Variants in CTU2 observed in about 807,000 individuals in gnomAD.
CTU2 encodes the protein cytoplasmic tRNA 2-thiolation protein 2.
In CTU2, 80 loss-of-function variants were observed where a neutral mutation model predicts 64.1. The observed-to-expected ratio is 1.25, with a 90% CI of 1.04 to 1.50. The LOEUF is 1.50. CTU2 is among the 40% of genes most tolerant of loss of function. CTU2 has a pLI of 0.00. For synonymous variants in CTU2, 482 were observed against 285.3 expected, an observed-to-expected ratio of 1.69 and a Z score of -6.95; for missense variants, 1,110 against 690.2, an observed-to-expected ratio of 1.61 and a Z score of -6.81.
At chr16:88,710,621 T>G (rs567312041) in intron 4 of CTU2, 1 of 309,424 alleles carries the variant, frequency 3.2e-6, no homozygotes, top group African/African-American at 2.2e-5. Flanking sequence ...CGGCCCACTC[T>G]CAGATGTGTT....
chr16:88,710,449 C>T, intron 4 of CTU2, 167 bp downstream of exon 4: 1 of 635,354 alleles, frequency 1.6e-6, no homozygotes, highest in South Asian at 1.9e-5. Context: ...GTGCACCAAT[C>T]AGGAGCTGAG....
rs574628861 is a variant in CTU2, at chr16:88,707,713, C to T, written c.143+503C>T. 6.6e-5 allele frequency among the ~76,000 whole-genome samples: 10 copies of T among 152,244 alleles called. 1 individual carries two copies. Among genetic ancestry groups the T allele is most frequent in the African/African-American group, 2.4e-4 (10 of 41,532 alleles). ...TAGCCATTGTATTGTTCAGTTGTTT[C>T]CACTAGACTCATAGCTCCCTGAAGG... On this transcript the variant is annotated intron_variant, in intron 2 of 14. Coordinates refer to ENST00000453996, the MANE Select transcript of CTU2 (RefSeq NM_001012759.3).
chr16:88,713,529 G>C (rs922582321), intron 8 of CTU2, 82 bp downstream of exon 8: 5 of 1,483,478 alleles, frequency 3.4e-6, no homozygotes, highest in African/African-American at 3.5e-5. Flanking sequence ...AGCCTCTCGC[G>C]TATCAGTCCT....
intron 14 of CTU2, 21 bp downstream of exon 14, chr16:88,715,127 GT>G (rs760769240): frequency 5.0e-6 from 8 of 1,602,566 alleles, no homozygotes; most frequent in Non-Finnish European, 6.8e-6. Flanking sequence ...CCACACTGCC[GT>G]GGCGCGTGGG....
Position 88,713,316 on chromosome 16 carries a change from C to A in CTU2, c.742C>A (p.His248Asn), listed in dbSNP as rs1911513055. 11 of 1,596,232 alleles carry A rather than the reference C, an allele frequency of 6.9e-6. No individual in the cohort carries two copies. Among genetic ancestry groups the A allele is most frequent in the Non-Finnish European group, 9.4e-6 (11 of 1,172,804 alleles). Residue 248 changes from histidine to asparagine, a missense_variant, in exon 8 of 15, where the codon CAC (histidine) becomes AAC (asparagine). His to Asn is a moderately conservative substitution (Grantham distance 68, BLOSUM62 1). Transcript: ENST00000453996. Reference protein sequence around the residue: ...KEELLQTLRTHLILHMARAHG... With the variant: ...KEELLQTLRTNLILHMARAHG... ...CTGAGACGCTCTGTGCTTTAGGACC[C>A]ACCTGATCCTCCACATGGCCCGAGC... is the stretch of plus-strand genomic sequence containing the variant.
chr16:88,709,844 G>C, intron 2 of CTU2, 94 bp from the exon 3 acceptor site: 1 of 1,018,714 alleles, frequency 9.8e-7, no homozygotes, highest in Middle Eastern at 2.1e-4. Flanking sequence ...TAAAGATGGA[G>C]ATTGGCAAAG....
chr16:88,714,603 T>G lies in CTU2; in HGVS notation c.1218T>G (p.Phe406Leu). 6.2e-7 allele frequency: 1 copy of G among 1,612,628 alleles called. No homozygotes were observed. Among genetic ancestry groups the G allele is most frequent in the Non-Finnish European group, 8.5e-7 (1 of 1,179,892 alleles). Residue 406 changes from phenylalanine to leucine, a missense_variant, in exon 12 of 15, where the codon TTT (phenylalanine) becomes TTG (leucine). Physicochemically the swap from Phe to Leu is conservative, Grantham distance 22. Coordinates refer to ENST00000453996, the MANE Select transcript of CTU2 (RefSeq NM_001012759.3). ...DVDAADSATA[F>L]GAQTSSRLSQ... ...TGCTTGCAGACAGTGCCACGGCTTT[T>G]GGGGCTCAGACCTCCTCGCGTCTCT...
chr16:88,714,989 G>C (rs562557850), intron 13 of CTU2, 59 bp from the exon 14 acceptor site: 6 of 1,598,672 alleles, frequency 3.8e-6, no homozygotes, highest in Admixed American at 3.4e-5. Context: ...TCACCTCGTG[G>C]GTGGCTTGAG....
At chr16:88,713,588 G>A (rs1911558290) in intron 8 of CTU2, 59 bp from the exon 9 acceptor site, 4 of 1,584,362 alleles carry the variant, frequency 2.5e-6, no homozygotes, top group Non-Finnish European at 3.4e-6. Context: ...CCTGGCAGGG[G>A]AGGAGGGGCA....
intron 3 of CTU2, 24 bp from the exon 4 acceptor site, chr16:88,710,199 T>C: frequency 6.2e-7 from 1 of 1,613,890 alleles, no homozygotes; most frequent in Non-Finnish European, 8.5e-7. Flanking sequence ...TGCGGTGCCC[T>C]GAGTGATGTT....
chr16:88,714,446 C>A lies in CTU2; in HGVS notation c.1161C>A (p.Arg387=). The A allele has an allele frequency of 6.2e-7, 1 of 1,612,582 alleles. No homozygotes were observed. Among genetic ancestry groups the A allele is most frequent in the Non-Finnish European group, 8.5e-7 (1 of 1,179,846 alleles). The change falls in exon 11 of 15, where the codon CGC becomes CGA. Residue 387 remains arginine (R), a synonymous_variant. Transcript: ENST00000453996. ...CTGCTGCTGGCGACTCCGGCCCCCG[C>A]TGCCTCCTCTGCATGTGTGCCCTGG... ...DGPAAGDSGP[R]CLLCMCALDV... is the part of the protein sequence containing the mutation.
At chr16:88,708,985 A>G (rs552568624) in intron 2 of CTU2, 2 of 152,172 alleles carry the variant, frequency 1.3e-5, no homozygotes, top group Non-Finnish European at 1.5e-5. Flanking sequence ...ATTATGAACA[A>G]AGATTACAGC....
Position 88,712,855 on chromosome 16 carries a change from C to T in CTU2, c.687C>T (p.Phe229=). The T allele has an allele frequency of 6.4e-7, 1 of 1,572,908 alleles. No individual in the cohort carries two copies. The part of the protein sequence containing the change: ...PAQTEALSQL[F]CSVRTLTAKE... ...AGACTGAGGCTCTTTCCCAACTGTT[C>T]TGCTCAGTGAGGACACTGACTGCCA... is the stretch of plus-strand genomic sequence containing the variant. Residue 229 remains phenylalanine, a synonymous_variant, in exon 7 of 15, where the codon TTC becomes TTT. Transcript: ENST00000453996.
At position 88,711,616 on chromosome 16, in the gene CTU2, C is replaced by T. The variant is rs748203677; in HGVS notation, c.283-19C>T. 2.5e-6 allele frequency: 4 copies of T among 1,586,752 alleles called. No individual in the cohort carries two copies. In the South Asian group the frequency reaches 4.6e-5, roughly 18 times the overall value. On this transcript the variant is annotated intron_variant, in intron 4 of 14. Coordinates refer to ENST00000453996, the MANE Select transcript of CTU2 (RefSeq NM_001012759.3). ...TGGCTTATGGCTGGGGGCTGAGTCC[C>T]TGCTGCTTCTCCCTCTAGGGCCTGA...
Position 88,715,221 on chromosome 16 carries a change from G to C in CTU2, c.1518G>C (p.Glu506Asp), listed in dbSNP as rs1390204079. ...GLQEIRDCLI[E>D]DSDDEAGQS ...AGGAGATCCGGGACTGTCTGATTGA[G>C]GACAGTGACGACGAGGCGGGCCAGA... Residue 506 changes from glutamate to aspartate, a missense_variant, in exon 15 of 15, where the codon GAG becomes GAC. Coordinates refer to ENST00000453996, the MANE Select transcript of CTU2 (RefSeq NM_001012759.3). 6.2e-7 allele frequency: 1 copy of C among 1,612,336 alleles called. No individual in the cohort carries two copies. The highest frequency in any genetic ancestry group is 8.5e-7 in the Non-Finnish European group (1 of 1,179,888).
At chr16:88,711,408 G>T (rs1439563367) in intron 4 of CTU2, among the ~76,000 whole-genome samples, 1 of 152,184 alleles carries the variant, frequency 6.6e-6, no homozygotes, top group Non-Finnish European at 1.5e-5. Flanking sequence ...TTACCAGGGG[G>T]ATGAAGACCC....
At chr16:88,706,637 C>T (rs1910859565) in intron 1 of CTU2, 39 bp downstream of exon 1, 2 of 1,348,542 alleles carry the variant, frequency 1.5e-6, no homozygotes, top group South Asian at 1.6e-5. Flanking sequence ...CCGCCCCTCG[C>T]CTTCCCGCCG....
intron 4 of CTU2, chr16:88,710,556 A>C: frequency 2.1e-6 from 1 of 479,598 alleles, no homozygotes; most frequent in South Asian, 2.6e-5. Flanking sequence ...GCCCACTCTC[A>C]GATGTGTTTA....
chr16:88,709,743 G>A (rs945167615), intron 2 of CTU2, 195 bp from the exon 3 acceptor site: 22 of 599,518 alleles, frequency 3.7e-5, no homozygotes, highest in African/African-American at 9.3e-5. Context: ...GGTGAGCCTC[G>A]TGTTCACCCT....
Sources: gnomAD v4.1 joint callset for allele counts (sites outside exome capture counted in the v4.1 genomes callset) on GRCh38, gnomAD v4.1.1 for gene constraint, MANE v1.5 for transcripts, NCBI Gene and HGNC (gene_info 2026-07-23, HGNC 2026-07-21) for gene names.